The following ITGAV variants were observed in gnomAD, a reference collection of about 807,000 sequenced individuals.
The protein encoded by ITGAV is integrin alpha-V.
In ITGAV, 76 loss-of-function variants were observed where a neutral mutation model predicts 143.8. The ratio of observed to expected loss-of-function variants is 0.53; its 90% CI spans 0.44 to 0.64. The LOEUF (loss-of-function observed/expected upper bound fraction) is 0.64, where lower values mean the gene tolerates loss of function less well. Among genes scored for constraint, ITGAV ranks in the 30% least tolerant of loss-of-function variants. The probability of loss-of-function intolerance (pLI) is 0.00; values close to 1 mark genes in which losing one functional copy is unlikely to be tolerated. For synonymous variants in ITGAV, 453 were observed against 446.7 expected, an observed-to-expected ratio of 1.01 and a Z score of -0.18; for missense variants, 1,193 against 1,274.7, an observed-to-expected ratio of 0.94 and a Z score of 0.98.
chr2:186,616,321 C>T (rs1687358865), intron 2 of ITGAV, among the ~76,000 whole-genome samples: 1 of 139,558 alleles, frequency 7.2e-6, no homozygotes, highest in East Asian at 2.1e-4. Context: ...CTCTGTCGCC[C>T]AGGCTGGAGT....
At chr2:186,657,217 T>C (rs149137941) in intron 17 of ITGAV, among the ~76,000 whole-genome samples, 1,869 of 152,212 alleles carry the variant, frequency 0.012, 37 homozygotes, top group African/African-American at 0.043. Flanking sequence ...TGAGACTCTA[T>C]TTTATTTAAA....
In ITGAV at chr2:186,592,300, A is replaced by G. The variant is rs935855636; in HGVS notation, c.185+1777A>G. On this transcript the variant is annotated intron_variant, in intron 1 of 29. Coordinates refer to ENST00000261023, the MANE Select transcript of ITGAV (RefSeq NM_002210.5). ...AAAAAAATACAAAAATTAACCGGGC[A>G]TGGTGGTGCACACCTGTAATCCTCG... Among the ~76,000 whole-genome samples, 8 of 152,150 alleles carry G rather than the reference A, an allele frequency of 5.3e-5. No individual in the cohort carries two copies. The East Asian group carries it at 1.2e-3, about 22-fold the overall frequency.
At chr2:186,672,183 C>T (rs2105751256) in intron 26 of ITGAV, among the ~76,000 whole-genome samples, 1 of 152,144 alleles carries the variant, frequency 6.6e-6, no homozygotes, top group East Asian at 1.9e-4. Flanking sequence ...ATCTCCTGAC[C>T]TCGTGATCCG....
At chr2:186,649,765 G>A in intron 13 of ITGAV, 75 bp from the exon 14 acceptor site, 1 of 1,011,816 alleles carries the variant, frequency 9.9e-7, no homozygotes, top group Non-Finnish European at 1.4e-6. Flanking sequence ...TATATTCATT[G>A]AAAATTTTAT....
Position 186,663,854 on chromosome 2 carries a change from A to C in ITGAV, c.1925+19A>C. Reference sequence around the variant, plus strand: ...TAGATAGGTAAGTTTTGCTTGAAATAATAATGTAGTAAGAAATTTAAATGG... The same window carrying C: ...TAGATAGGTAAGTTTTGCTTGAAATCATAATGTAGTAAGAAATTTAAATGG... On this transcript the variant is annotated intron_variant, in intron 19 of 29. Coordinates refer to ENST00000261023, the MANE Select transcript of ITGAV (RefSeq NM_002210.5). The C allele has an allele frequency of 6.4e-7, 1 of 1,551,074 alleles. No homozygotes were observed. Among genetic ancestry groups the C allele is most frequent in the South Asian group, 1.1e-5 (1 of 89,054 alleles).
intron 26 of ITGAV, among the ~76,000 whole-genome samples, chr2:186,670,296 G>GTTTA (rs571132611): frequency 2.7e-5 from 4 of 149,214 alleles, no homozygotes; most frequent in African/African-American, 9.7e-5. Flanking sequence ...AGTGTTTTTT[G>GTTTA]TTTGTTTGTT....
chr2:186,665,778 G>A (rs186978674), intron 21 of ITGAV, among the ~76,000 whole-genome samples: 1 of 152,310 alleles, frequency 6.6e-6, no homozygotes, highest in African/African-American at 2.4e-5. Flanking sequence ...AGCATATGCT[G>A]TGTGACTTTT....
intron 4 of ITGAV, among the ~76,000 whole-genome samples, chr2:186,629,845 G>A (rs1246273573): frequency 6.6e-6 from 1 of 152,022 alleles, no homozygotes; most frequent in Non-Finnish European, 1.5e-5. Flanking sequence ...TATCCTCAAA[G>A]TAAAATAAGG....
intron 1 of ITGAV, among the ~76,000 whole-genome samples, chr2:186,594,274 C>A (rs954723792): frequency 1.4e-4 from 21 of 152,172 alleles, no homozygotes; most frequent in Non-Finnish European, 2.2e-4. Flanking sequence ...GTTAGTTGCA[C>A]CTCTGTTTCT....
chr2:186,654,769 A>G, intron 16 of ITGAV, 61 bp downstream of exon 16: 1 of 684,638 alleles, frequency 1.5e-6, no homozygotes, highest in Non-Finnish European at 2.6e-6. Context: ...CACTTAAAAA[A>G]TATTTTAAGA....
In ITGAV at chr2:186,590,281, C is replaced by G. The variant is rs2105639004; in HGVS notation, c.-58C>G. 1.5e-6 allele frequency: 2 copies of G among 1,366,794 alleles called. No homozygotes were observed. Among genetic ancestry groups the G allele is most frequent in the Non-Finnish European group, 1.9e-6 (2 of 1,058,778 alleles). 84.7% of individuals were successfully genotyped at this position (1,366,794 alleles called of 1,614,324 possible). ...CGGGCCGCGGGCACTGGGCGCCTCGCTGGGGCGGGGGGAGGTGGCTACCGC... is the reference window on the plus strand; with the variant it reads ...CGGGCCGCGGGCACTGGGCGCCTCGGTGGGGCGGGGGGAGGTGGCTACCGC... On this transcript the variant is annotated 5_prime_UTR_variant, in exon 1 of 30. Transcript: ENST00000261023.
At chr2:186,645,814 C>CA (rs1276853475) in intron 12 of ITGAV, among the ~76,000 whole-genome samples, 1 of 150,500 alleles carries the variant, frequency 6.6e-6, no homozygotes, top group Non-Finnish European at 1.5e-5. Context: ...GAAAAAAAAA[C>CA]AAAAAAAATT....
intron 29 of ITGAV, 78 bp from the exon 30 acceptor site, chr2:186,677,119 G>T (rs1231572479): frequency 4.5e-6 from 6 of 1,334,284 alleles, no homozygotes; most frequent in Admixed American, 1.9e-5. Flanking sequence ...GTTCTTAGTG[G>T]TAATATAGTC....
In ITGAV at chr2:186,664,521, T is replaced by C; in HGVS notation, c.1953T>C (p.Asp651=). The C allele has an allele frequency of 2.5e-6, 4 of 1,614,058 alleles. No homozygotes were observed. The highest frequency in any genetic ancestry group is 3.4e-6 in the Non-Finnish European group (4 of 1,179,936). ...DSDQKKIYIG[D]DNPLTLIVKA... is the part of the protein sequence containing the mutation. ...ATCAAAAGAAGATCTATATTGGGGA[T>C]GACAACCCTCTGACATTGATTGTTA... The change falls in exon 20 of 30, where the codon GAT becomes GAC. Residue 651 remains aspartate (D), a synonymous_variant. Transcript: ENST00000261023.
chr2:186,595,277 A>T (rs1323989293), intron 1 of ITGAV, among the ~76,000 whole-genome samples: 1 of 152,256 alleles, frequency 6.6e-6, no homozygotes, highest in Non-Finnish European at 1.5e-5. Context: ...AAGCAGACAA[A>T]CAAGTTAGTT....
At chr2:186,667,925 C>T (rs1574501916) in intron 24 of ITGAV, 149 bp downstream of exon 24, 1 of 400,028 alleles carries the variant, frequency 2.5e-6, no homozygotes, top group South Asian at 9.9e-5. Context: ...TGAATATTTT[C>T]CCTATACATA....
At chr2:186,597,762 G>T (rs1408468686) in intron 1 of ITGAV, among the ~76,000 whole-genome samples, 1 of 152,188 alleles carries the variant, frequency 6.6e-6, no homozygotes, top group East Asian at 1.9e-4. Context: ...GGTGGCATTA[G>T]ATTCTCATAG....
At position 186,659,123 on chromosome 2, in the gene ITGAV, C is replaced by G. The variant is rs375197365; in HGVS notation, c.1805C>G (p.Thr602Arg). Reference protein sequence around the residue: ...RLDYRTAADTTGLQPILNQFT... With the variant: ...RLDYRTAADTRGLQPILNQFT... Reference sequence around the variant, plus strand: ...GATTATAGAACAGCTGCTGATACAACAGGCTTGCAACCCATTCTTAACCAG... The same window carrying G: ...GATTATAGAACAGCTGCTGATACAAGAGGCTTGCAACCCATTCTTAACCAG... The change falls in exon 18 of 30, where the codon ACA becomes AGA. Residue 602 changes from threonine (T) to arginine (R), a missense_variant. Transcript: ENST00000261023. The G allele has an allele frequency of 1.4e-5, 23 of 1,612,794 alleles. No individual in the cohort carries two copies. In the African/African-American group the frequency reaches 3.1e-4, roughly 22 times the overall value.
At chr2:186,596,243 A>C (rs1320076822) in intron 1 of ITGAV, among the ~76,000 whole-genome samples, 2 of 152,190 alleles carry the variant, frequency 1.3e-5, no homozygotes, top group African/African-American at 4.8e-5. Context: ...TTACTGCTTC[A>C]ATTGATTTGC....
Sources: gnomAD v4.1 joint callset for allele counts (sites outside exome capture counted in the v4.1 genomes callset) on GRCh38, gnomAD v4.1.1 for gene constraint, MANE v1.5 for transcripts, NCBI Gene and HGNC (gene_info 2026-07-23, HGNC 2026-07-21) for gene names.